Variants in ADGRL3 observed in about 807,000 individuals in gnomAD.
ADGRL3 encodes the protein calcium-independent alpha-latrotoxin receptor 3.
ADGRL3 carries 62 observed loss-of-function variants against 153.5 expected under a neutral mutation model. The ratio of observed to expected loss-of-function variants is 0.40; its 90% confidence interval spans 0.33 to 0.50. ADGRL3 has a LOEUF of 0.50. Among genes scored for constraint, ADGRL3 ranks in the 20% least tolerant of loss-of-function variants. ADGRL3 has a pLI of 0.47. For missense variants in ADGRL3, 1,641 were observed against 1,859.4 expected (o/e 0.88, Z 2.16); for synonymous variants, 710 against 672.5 (o/e 1.06, Z -0.86).
At chr4:61,514,348 A>G (rs2098480083) in intron 3 of ADGRL3, among the ~76,000 whole-genome samples, 1 of 152,172 alleles carries the variant, frequency 6.6e-6, no homozygotes, top group African/African-American at 2.4e-5. Context: ...CAGACTTAAG[A>G]TTCGTGTTTC....
intron 7 of ADGRL3, among the ~76,000 whole-genome samples, chr4:61,732,281 T>C (rs1257839233): frequency 1.3e-5 from 2 of 152,092 alleles, no homozygotes; most frequent in Admixed American, 1.3e-4. Flanking sequence ...TTTTCCTTTA[T>C]CAAAAAATTA....
chr4:61,882,646 T>C (rs2098515286), intron 9 of ADGRL3, among the ~76,000 whole-genome samples: 1 of 152,166 alleles, frequency 6.6e-6, no homozygotes, highest in Admixed American at 6.5e-5. Context: ...CACACTGCCT[T>C]TCATATGGCT....
chr4:61,898,979 G>T (rs745432947), intron 11 of ADGRL3, among the ~76,000 whole-genome samples: 16 of 150,834 alleles, frequency 1.1e-4, no homozygotes, highest in Non-Finnish European at 2.1e-4. Flanking sequence ...GCTCCTTACT[G>T]TACACATGGC....
chr4:61,447,004 C>G (rs2097591118), intron 2 of ADGRL3, among the ~76,000 whole-genome samples: 1 of 152,116 alleles, frequency 6.6e-6, no homozygotes, highest in South Asian at 2.1e-4. Context: ...TATTAGGAAT[C>G]AGCTATAATT....
chr4:61,754,072 G>T (rs2152086429), intron 8 of ADGRL3, among the ~76,000 whole-genome samples: 1 of 152,324 alleles, frequency 6.6e-6, no homozygotes, highest in East Asian at 1.9e-4. Context: ...AATTCTGTAA[G>T]CCAGGTCCAA....
chr4:61,489,019 C>A (rs912099161), intron 2 of ADGRL3, among the ~76,000 whole-genome samples: 1 of 151,926 alleles, frequency 6.6e-6, no homozygotes, highest in Non-Finnish European at 1.5e-5. Context: ...CCATTTATGA[C>A]CCCACTTTTA....
At chr4:61,279,028 G>A (rs1320596632) in intron 1 of ADGRL3, among the ~76,000 whole-genome samples, 1 of 152,154 alleles carries the variant, frequency 6.6e-6, no homozygotes, top group Admixed American at 6.5e-5. Context: ...CTTTAAACAT[G>A]TTGTTGCTCT....
At chr4:61,872,925 TAAAG>T (rs1183739055) in intron 9 of ADGRL3, among the ~76,000 whole-genome samples, 1 of 152,170 alleles carries the variant, frequency 6.6e-6, no homozygotes, top group Non-Finnish European at 1.5e-5. Flanking sequence ...TATCGACCAA[TAAAG>T]AAATTACAAT....
chr4:61,492,585 T>G (rs1252248230), intron 2 of ADGRL3, among the ~76,000 whole-genome samples: 1 of 151,968 alleles, frequency 6.6e-6, no homozygotes, highest in East Asian at 1.9e-4. Context: ...AAAATAAAAC[T>G]GGGGAAACAA....
intron 1 of ADGRL3, among the ~76,000 whole-genome samples, chr4:61,300,068 T>TA (rs1478536110): frequency 6.6e-6 from 1 of 152,174 alleles, no homozygotes; most frequent in Non-Finnish European, 1.5e-5. Context: ...AAATAATTCT[T>TA]ACAATTTTCT....
At chr4:61,526,668 C>G (rs1420568534) in intron 4 of ADGRL3, among the ~76,000 whole-genome samples, 3 of 151,962 alleles carry the variant, frequency 2.0e-5, no homozygotes, top group Non-Finnish European at 2.9e-5. Context: ...CCCAGGTAAT[C>G]AAGAGTCTGC....
chr4:61,698,121 G>A (rs2095674969), intron 6 of ADGRL3, among the ~76,000 whole-genome samples: 1 of 152,008 alleles, frequency 6.6e-6, no homozygotes, highest in South Asian at 2.1e-4. Context: ...AAGTTATATA[G>A]TATTAATGAT....
At chr4:61,243,113 G>A (rs968996543) in intron 1 of ADGRL3, among the ~76,000 whole-genome samples, 2 of 152,000 alleles carry the variant, frequency 1.3e-5, no homozygotes, top group Non-Finnish European at 2.9e-5. Context: ...ATTTAAAGAT[G>A]AGTAAGATTT....
chr4:61,313,208 A>C (rs1425600162), intron 1 of ADGRL3, among the ~76,000 whole-genome samples: 1 of 152,214 alleles, frequency 6.6e-6, no homozygotes, highest in Non-Finnish European at 1.5e-5. Flanking sequence ...CTATACAGAC[A>C]GTGAAAAGAT....
chr4:61,785,792 T>C (rs1561248023), intron 8 of ADGRL3, among the ~76,000 whole-genome samples: 1 of 152,208 alleles, frequency 6.6e-6, no homozygotes, highest in Non-Finnish European at 1.5e-5. Context: ...TCTTAATGGT[T>C]TTAGGGGAAT....
chr4:61,967,021 G>C (rs1017591438), intron 17 of ADGRL3, among the ~76,000 whole-genome samples: 1 of 152,014 alleles, frequency 6.6e-6, no homozygotes, highest in Admixed American at 6.6e-5. Flanking sequence ...AAATAGCACT[G>C]CAAGACCAAA....
chr4:61,678,176 A>C (rs1038441826), intron 6 of ADGRL3, among the ~76,000 whole-genome samples: 1 of 151,982 alleles, frequency 6.6e-6, no homozygotes, highest in African/African-American at 2.4e-5. Flanking sequence ...TAAGGAAATA[A>C]AATTTGTAAA....
At position 61,816,984 on chromosome 4, in the gene ADGRL3, G is replaced by A. The variant is rs755689048; in HGVS notation, c.1480+3095G>A. On this transcript the variant is annotated intron_variant, in intron 9 of 26. Transcript: ENST00000683033. ...TTTTGGAGCAAAATTGAAGCCAAGCGTGGGCATTGTTGCAACCTGACTGGG... is the reference window on the plus strand; with the variant it reads ...TTTTGGAGCAAAATTGAAGCCAAGCATGGGCATTGTTGCAACCTGACTGGG... 3.7e-4 allele frequency among the ~76,000 whole-genome samples: 57 copies of A among 152,154 alleles called. 1 individual carries two copies. The highest frequency in any genetic ancestry group is 2.6e-4 in the Admixed American group (4 of 15,288).
intron 13 of ADGRL3, among the ~76,000 whole-genome samples, chr4:61,918,432 G>A (rs1203430945): frequency 6.6e-6 from 1 of 152,134 alleles, no homozygotes; most frequent in African/African-American, 2.4e-5. Flanking sequence ...TAATTATTTG[G>A]TAGTGTTTTA....
Sources: gnomAD v4.1 joint callset for allele counts (sites outside exome capture counted in the v4.1 genomes callset) on GRCh38, gnomAD v4.1.1 for gene constraint, MANE v1.5 for transcripts, NCBI Gene and HGNC (gene_info 2026-07-23, HGNC 2026-07-21) for gene names.